The following ARL6 variants were observed in gnomAD, a reference collection of about 807,000 sequenced individuals.
The protein encoded by ARL6 is ARF like GTPase 6.
ARL6 carries 18 observed loss-of-function variants against 27.1 expected under a neutral mutation model. The ratio of observed to expected loss-of-function variants is 0.66; its 90% CI spans 0.46 to 0.98. ARL6 has a LOEUF of 0.98. Among genes scored for constraint, ARL6 ranks in the 50% least tolerant of loss-of-function variants. ARL6 has a pLI of 0.00. For missense variants in ARL6, 187 were observed against 214.9 expected (o/e 0.87, Z 0.81); for synonymous variants, 65 against 72.3 (o/e 0.90, Z 0.51).
chr3:97,764,641 T>C (rs546130382), upstream of ARL6: 2 of 152,304 alleles, frequency 1.3e-5, no homozygotes, highest in African/African-American at 4.8e-5. Flanking sequence ...TCTGACCTTT[T>C]CCCGGAGCTC....
intron 2 of ARL6, among the ~76,000 whole-genome samples, chr3:97,778,804 A>T (rs778004860): frequency 7.2e-5 from 11 of 152,182 alleles, no homozygotes; most frequent in Non-Finnish European, 1.6e-4. Context: ...TGTTCAAGGT[A>T]GCAAAGGCAA....
At chr3:97,787,912 G>C (rs1480110539) in intron 5 of ARL6, 78 bp from the exon 6 acceptor site, 1 of 1,489,190 alleles carries the variant, frequency 6.7e-7, no homozygotes, top group Non-Finnish European at 9.3e-7. Context: ...AAAATTTCAT[G>C]GGTTTCAGTA....
chr3:97,773,378 A>G (rs2036733515), intron 2 of ARL6, among the ~76,000 whole-genome samples: 1 of 152,124 alleles, frequency 6.6e-6, no homozygotes, highest in South Asian at 2.1e-4. Context: ...CTCAAATATT[A>G]ATCTCCTTTG....
chr3:97,782,986 TC>T (rs1344553313), intron 4 of ARL6, among the ~76,000 whole-genome samples: 1 of 150,900 alleles, frequency 6.6e-6, no homozygotes, highest in Non-Finnish European at 1.5e-5. Context: ...ATTTTTCTTT[TC>T]TTTTTTTTTT....
rs762178069 is a variant in ARL6, at chr3:97,791,788, A to G, written c.497A>G (p.Lys166Arg). 2 of 1,613,732 alleles carry G rather than the reference A, an allele frequency of 1.2e-6. No homozygotes were observed. Among genetic ancestry groups the G allele is most frequent in the Non-Finnish European group, 1.7e-6 (2 of 1,179,848 alleles). The change falls in exon 7 of 8, where the codon AAA becomes AGA. Residue 166 changes from lysine to arginine, a missense_variant. Coordinates refer to ENST00000463745, the MANE Select transcript of ARL6 (RefSeq NM_001278293.3). Reference protein sequence around the residue: ...PWHICASDAIKGEGLQEGVDW... With the variant: ...PWHICASDAIRGEGLQEGVDW... ...CATTTCAGTGCTAGTGATGCCATAA[A>G]AGGAGAAGGCTTGCAAGAAGGTGTA...
chr3:97,775,535 T>C (rs2036854419), intron 2 of ARL6, among the ~76,000 whole-genome samples: 1 of 152,028 alleles, frequency 6.6e-6, no homozygotes, highest in Non-Finnish European at 1.5e-5. Context: ...ATTAAGGTGA[T>C]TGTTCCCAGC....
At chr3:97,777,867 G>A (rs2036986794) in intron 2 of ARL6, among the ~76,000 whole-genome samples, 1 of 152,078 alleles carries the variant, frequency 6.6e-6, no homozygotes, top group Non-Finnish European at 1.5e-5. Context: ...AACTTTTGAA[G>A]TGATGGAAAG....
At chr3:97,792,069 T>C (rs571923759) in intron 7 of ARL6, 3 of 443,218 alleles carry the variant, frequency 6.8e-6, no homozygotes, top group Non-Finnish European at 1.2e-5. Context: ...ATGACACATA[T>C]AGAAAACAAT....
At chr3:97,774,094 G>T (rs923556726) in intron 2 of ARL6, among the ~76,000 whole-genome samples, 51 of 152,306 alleles carry the variant, frequency 3.3e-4, no homozygotes, top group African/African-American at 1.2e-3. Context: ...TGGAGTGATA[G>T]TCTGATTTCA....
chr3:97,795,353 AT>A (rs2037948940), intron 7 of ARL6, among the ~76,000 whole-genome samples: 1 of 152,216 alleles, frequency 6.6e-6, no homozygotes, highest in Non-Finnish European at 1.5e-5. Context: ...AAGTGTATTC[AT>A]TTTATTGCTT....
At position 97,798,117 on chromosome 3, in the gene ARL6, T is replaced by A; in HGVS notation, c.*68T>A. 1.3e-6 allele frequency: 2 copies of A among 1,504,630 alleles called. No individual in the cohort carries two copies. The highest frequency in any genetic ancestry group is 2.3e-5 in the South Asian group (2 of 87,230). 93.2% of individuals were successfully genotyped at this position (1,504,630 alleles called of 1,614,324 possible). ...ATCTATCTAAGACAAATAGAATACA[T>A]TTTGTAAAAGATGTTTATGCATCAA... On this transcript the variant is annotated 3_prime_UTR_variant, in exon 8 of 8. Transcript: ENST00000463745.
chr3:97,779,416 C>T (rs1371274089), intron 2 of ARL6, among the ~76,000 whole-genome samples: 2 of 152,166 alleles, frequency 1.3e-5, no homozygotes, highest in East Asian at 3.8e-4. Flanking sequence ...CAGCCCCTTT[C>T]TGTTGCCTCC....
intron 7 of ARL6, among the ~76,000 whole-genome samples, chr3:97,796,643 A>C (rs369672629): frequency 6.6e-6 from 1 of 152,302 alleles, no homozygotes; most frequent in African/African-American, 2.4e-5. Context: ...AAATATTCCC[A>C]TACCAGCAGG....
In ARL6 at chr3:97,791,772, G is replaced by T. The variant is rs567825969; in HGVS notation, c.481G>T (p.Ala161Ser). The change falls in exon 7 of 8, where the codon GCT becomes TCT. Residue 161 changes from alanine (A) to serine (S), a missense_variant and splice_region_variant. Ala to Ser is a moderately conservative substitution (Grantham distance 99). Transcript: ENST00000463745. ...TGTTTCTTATGGATTTCATTTCAGT[G>T]CTAGTGATGCCATAAAAGGAGAAGG... Reference protein sequence around the residue: ...NIKDKPWHICASDAIKGEGLQ... With the variant: ...NIKDKPWHICSSDAIKGEGLQ... 1.3e-4 allele frequency: 208 copies of T among 1,613,504 alleles called. 3 individuals carry two copies. The South Asian group carries it at 2.1e-3, about 16-fold the overall frequency.
intron 4 of ARL6, among the ~76,000 whole-genome samples, 153 bp from the exon 5 acceptor site, chr3:97,784,802 A>G (rs1294152135): frequency 6.6e-6 from 1 of 152,036 alleles, no homozygotes; most frequent in Non-Finnish European, 1.5e-5. Flanking sequence ...TATCAGTCAT[A>G]TAAACTAATA....
At chr3:97,793,278 A>G (rs1453546238) in intron 7 of ARL6, 1 of 152,234 alleles carries the variant, frequency 6.6e-6, no homozygotes, top group African/African-American at 2.4e-5. Flanking sequence ...CAGAAGAACT[A>G]CGGGATTTTT....
intron 1 of ARL6, among the ~76,000 whole-genome samples, chr3:97,766,255 GTAAA>G (rs1436080187): frequency 6.6e-6 from 1 of 152,212 alleles, no homozygotes; most frequent in Non-Finnish European, 1.5e-5. Context: ...TGTTTATGCA[GTAAA>G]TAAAGTGAGT....
chr3:97,778,155 G>A (rs2037001118), intron 2 of ARL6, among the ~76,000 whole-genome samples: 1 of 152,072 alleles, frequency 6.6e-6, no homozygotes. Flanking sequence ...TCAAAATAAT[G>A]AAGTTGGGGG....
chr3:97,799,177 A>G lies in ARL6; in HGVS notation c.*1128A>G, dbSNP rs1204749654. 1 of 152,064 alleles carries G rather than the reference A, an allele frequency of 6.6e-6. No individual in the cohort carries two copies. Among genetic ancestry groups the G allele is most frequent in the Non-Finnish European group, 1.5e-5 (1 of 67,912 alleles). 9.4% of individuals were successfully genotyped at this position (152,064 alleles called of 1,614,324 possible). A position where few individuals can be genotyped will look rare whatever the true frequency, so the allele number is the denominator to read the frequency against. The stretch of plus-strand genomic sequence containing the variant: ...AGAAAAACTGTAATATACAATATAT[A>G]CCATCTCAAGTATGCTTAGCTTTGA... On this transcript the variant is annotated 3_prime_UTR_variant, in exon 8 of 8. Transcript: ENST00000463745.
Sources: gnomAD v4.1 joint callset for allele counts (sites outside exome capture counted in the v4.1 genomes callset) on GRCh38, gnomAD v4.1.1 for gene constraint, MANE v1.5 for transcripts, NCBI Gene and HGNC (gene_info 2026-07-23, HGNC 2026-07-21) for gene names.